Variants in ERC2 observed in about 807,000 individuals in gnomAD.
ERC2 encodes the protein ELKS/RAB6-interacting/CAST family member 2.
A neutral mutation model predicts 114.8 loss-of-function variants in ERC2; 42 were observed. That is an observed-to-expected ratio of 0.37 (90% CI 0.29 to 0.47). The LOEUF (loss-of-function observed/expected upper bound fraction) is 0.47, where lower values mean the gene tolerates loss of function less well. Among genes scored for constraint, ERC2 ranks in the 20% least tolerant of loss-of-function variants. The pLI is 0.99. For synonymous variants in ERC2, 454 were observed against 425.5 expected (o/e 1.07, Z -0.82); for missense variants, 939 against 1,150.7 (o/e 0.82, Z 2.66).
intron 2 of ERC2, among the ~76,000 whole-genome samples, chr3:56,327,484 T>C (rs998514139): frequency 1.8e-4 from 28 of 152,140 alleles, no homozygotes; most frequent in Admixed American, 7.9e-4. Context: ...AGCCTAACCA[T>C]ATCACACTGA....
chr3:56,412,996 G>A (rs1200549949), intron 2 of ERC2, among the ~76,000 whole-genome samples: 3 of 152,174 alleles, frequency 2.0e-5, no homozygotes, highest in Non-Finnish European at 2.9e-5. Flanking sequence ...ACATCAAGAG[G>A]TAATATCTAT....
chr3:56,395,512 T>G (rs574510318), intron 2 of ERC2, among the ~76,000 whole-genome samples: 1 of 152,258 alleles, frequency 6.6e-6, no homozygotes, highest in Non-Finnish European at 1.5e-5. Flanking sequence ...TTTGGATCCC[T>G]CAAAGCATGG....
In ERC2 at chr3:55,957,387, G is replaced by C. The variant is rs531763037; in HGVS notation, c.2268-6827C>G. On this transcript the variant is annotated intron_variant, in intron 12 of 17. Coordinates refer to ENST00000288221, the MANE Select transcript of ERC2 (RefSeq NM_015576.3). Reference sequence around the variant, plus strand: ...AACCCTAGTCAAGTTATCTCATTAGGGGATGGGGACATGAAATGATTTAAT... The same window carrying C: ...AACCCTAGTCAAGTTATCTCATTAGCGGATGGGGACATGAAATGATTTAAT... Among the ~76,000 whole-genome samples, 4 of 152,310 alleles carry C rather than the reference G, an allele frequency of 2.6e-5. No homozygotes were observed. In the East Asian group the frequency reaches 7.7e-4, roughly 29 times the overall value.
intron 7 of ERC2, among the ~76,000 whole-genome samples, chr3:56,043,186 G>A (rs971859148): frequency 6.6e-6 from 1 of 151,994 alleles, no homozygotes; most frequent in Non-Finnish European, 1.5e-5. Context: ...ATTTTTGTTT[G>A]TTTTCCATAT....
intron 14 of ERC2, among the ~76,000 whole-genome samples, chr3:55,836,689 C>T (rs1012024913): frequency 2.6e-5 from 4 of 151,962 alleles, no homozygotes; most frequent in Admixed American, 6.5e-5. Flanking sequence ...AGGACATAGG[C>T]GTGGGCAAGG....
chr3:56,246,887 T>C (rs2051747001), intron 3 of ERC2, among the ~76,000 whole-genome samples: 1 of 152,230 alleles, frequency 6.6e-6, no homozygotes. Flanking sequence ...ATCTAACAAC[T>C]GGTGTGGCTC....
At chr3:55,944,259 A>T (rs1435421733) in intron 13 of ERC2, among the ~76,000 whole-genome samples, 1 of 152,262 alleles carries the variant, frequency 6.6e-6, no homozygotes, top group East Asian at 1.9e-4. Flanking sequence ...TTTGCCAAGG[A>T]CTGCTGAAGA....
At chr3:55,794,538 T>C (rs1422722732) in intron 14 of ERC2, among the ~76,000 whole-genome samples, 2 of 152,236 alleles carry the variant, frequency 1.3e-5, no homozygotes, top group African/African-American at 2.4e-5. Flanking sequence ...CAATGAATTA[T>C]GTTTATCTCA....
intron 2 of ERC2, among the ~76,000 whole-genome samples, chr3:56,358,399 T>C (rs1038912199): frequency 3.3e-5 from 5 of 152,228 alleles, no homozygotes; most frequent in Non-Finnish European, 7.3e-5. Context: ...TAGCATGAAG[T>C]AGAAGAGGCA....
intron 14 of ERC2, among the ~76,000 whole-genome samples, chr3:55,859,450 G>A (rs1349276093): frequency 1.3e-5 from 2 of 152,018 alleles, no homozygotes; most frequent in Non-Finnish European, 2.9e-5. Context: ...TGTGCCACTG[G>A]GGCAGGGGTG....
At chr3:56,311,594 T>C (rs1230379925) in intron 2 of ERC2, among the ~76,000 whole-genome samples, 1 of 152,042 alleles carries the variant, frequency 6.6e-6, no homozygotes, top group African/African-American at 2.4e-5. Flanking sequence ...CCACAGCGCC[T>C]GGCCAATATT....
At chr3:55,611,829 T>C (rs1026565987) in intron 17 of ERC2, among the ~76,000 whole-genome samples, 1 of 152,176 alleles carries the variant, frequency 6.6e-6, no homozygotes, top group Non-Finnish European at 1.5e-5. Flanking sequence ...TTGTTTTGTT[T>C]CATTTGGATA....
intron 6 of ERC2, among the ~76,000 whole-genome samples, chr3:56,084,688 C>G (rs979694755): frequency 5.9e-5 from 9 of 151,812 alleles, no homozygotes; most frequent in Admixed American, 4.6e-4. Flanking sequence ...GTATAATGGA[C>G]ATTGGAGACT....
intron 12 of ERC2, among the ~76,000 whole-genome samples, chr3:55,978,664 G>T (rs2069798289): frequency 6.6e-6 from 1 of 152,194 alleles, no homozygotes; most frequent in African/African-American, 2.4e-5. Context: ...CACATGAGAG[G>T]TAAGCTATAA....
intron 17 of ERC2, among the ~76,000 whole-genome samples, chr3:55,565,678 T>C (rs1315930325): frequency 6.6e-6 from 1 of 152,110 alleles, no homozygotes; most frequent in Non-Finnish European, 1.5e-5. Context: ...TGGGTTAGAG[T>C]GCCCAGGCTT....
chr3:55,599,830 T>A (rs759586724), intron 17 of ERC2, among the ~76,000 whole-genome samples: 24 of 152,220 alleles, frequency 1.6e-4, no homozygotes, highest in Non-Finnish European at 2.2e-4. Context: ...GTCTTGTGGA[T>A]GAATAACGCC....
intron 2 of ERC2, among the ~76,000 whole-genome samples, chr3:56,356,396 A>G (rs1431255130): frequency 1.3e-5 from 2 of 152,176 alleles, no homozygotes; most frequent in Non-Finnish European, 2.9e-5. Flanking sequence ...GCCTGGTTCT[A>G]TAAGGTTGGT....
At chr3:55,782,209 G>A (rs563903750) in intron 14 of ERC2, among the ~76,000 whole-genome samples, 5 of 152,218 alleles carry the variant, frequency 3.3e-5, no homozygotes, top group East Asian at 3.9e-4. Flanking sequence ...GTGTCAGGCC[G>A]ACATTCTTGC....
At chr3:55,919,301 C>T (rs2065279933) in intron 13 of ERC2, among the ~76,000 whole-genome samples, 1 of 152,082 alleles carries the variant, frequency 6.6e-6, no homozygotes, top group South Asian at 2.1e-4. Flanking sequence ...ATGGCTTCAG[C>T]CCAGGAGTTT....
Sources: allele counts gnomAD v4.1 joint callset (sites outside exome capture counted in the v4.1 genomes callset), GRCh38; gene constraint gnomAD v4.1.1; transcripts MANE v1.5; gene names NCBI Gene and HGNC (gene_info 2026-07-23, HGNC 2026-07-21).